The following TEX2 variants were observed in gnomAD, a reference collection of about 807,000 sequenced individuals.
The protein encoded by TEX2 is testis-expressed protein 2.
In TEX2, 53 loss-of-function variants were observed where a neutral mutation model predicts 106.9. That is an observed-to-expected ratio of 0.50 (90% CI 0.40 to 0.62). The LOEUF (loss-of-function observed/expected upper bound fraction) is 0.62. TEX2 is among the 20% of genes least tolerant of loss of function. TEX2 has a pLI of 0.00. For synonymous variants in TEX2, 523 were observed against 534.8 expected (o/e 0.98, Z 0.30); for missense variants, 1,207 against 1,379.0 (o/e 0.88, Z 1.98).
chr17:64,242,862 G>A (rs1227693337), intron 1 of TEX2, among the ~76,000 whole-genome samples: 1 of 151,810 alleles, frequency 6.6e-6, no homozygotes, highest in Non-Finnish European at 1.5e-5. Context: ...AAGGTGGGAG[G>A]ATCACTTGCG....
chr17:64,154,834 C>A lies in TEX2; in HGVS notation c.2930+8G>T, dbSNP rs75227073. ...GACTCAGAGGCACAGAAGCACTGAT[C>A]CACTCACCCTTCAGCCCCTGGGAGG... is the stretch of plus-strand genomic sequence containing the variant. On this transcript the variant is annotated splice_region_variant and intron_variant, in intron 9 of 11. Transcript: ENST00000584379. 6.3e-7 allele frequency: 1 copy of A among 1,588,540 alleles called. No individual in the cohort carries two copies. The highest frequency in any genetic ancestry group is 8.6e-7 in the Non-Finnish European group (1 of 1,167,794).
intron 1 of TEX2, among the ~76,000 whole-genome samples, chr17:64,252,619 TAACC>T (rs2034113258): frequency 6.6e-6 from 1 of 152,182 alleles, no homozygotes. Context: ...CTCAGCCATA[TAACC>T]AAGTTTTAAA....
chr17:64,247,268 C>CAA (rs35005734), intron 1 of TEX2, among the ~76,000 whole-genome samples: 5 of 74,838 alleles, frequency 6.7e-5, no homozygotes, highest in Admixed American at 1.6e-4. Context: ...GACTCTGTCT[C>CAA]AAAAAAAAAA....
At position 64,147,614 on chromosome 17, in the gene TEX2, G is replaced by C. The variant is rs949914364; in HGVS notation, c.*1355C>G. ...TTATAAAGACCAGTGACCAGGACAC[G>C]TGGACTCTGACAGGCAGATCGGCCT... is the stretch of plus-strand genomic sequence containing the variant. On this transcript the variant is annotated 3_prime_UTR_variant, in exon 12 of 12. Coordinates refer to ENST00000584379, the MANE Select transcript of TEX2 (RefSeq NM_001288732.2). 6.6e-6 allele frequency: 1 copy of C among 152,556 alleles called. No homozygotes were observed. The highest frequency in any genetic ancestry group is 1.5e-5 in the Non-Finnish European group (1 of 68,028). The allele number at this position is 152,556 out of a possible 1,614,324, so 9.5% of individuals were successfully genotyped here.
At position 64,193,627 on chromosome 17, in the gene TEX2, C is replaced by G. The variant is rs2032371391; in HGVS notation, c.2108G>C (p.Arg703Thr). ...TGREKEEWFR[R>T]FILASKLKSE... ...CTTTAGCTTAGATGCCAGAATAAAT[C>G]TCCTAAACCATTCCTCTTTTTCTCG... The change falls in exon 4 of 12, where the codon AGA (arginine) becomes ACA (threonine). Residue 703 changes from arginine to threonine, a missense_variant. Transcript: ENST00000584379. The G allele has an allele frequency of 6.6e-7, 1 of 1,515,746 alleles. No homozygotes were observed. 93.9% of individuals were successfully genotyped at this position (1,515,746 alleles called of 1,614,324 possible).
At chr17:64,198,971 C>A (rs2032568456) in intron 2 of TEX2, among the ~76,000 whole-genome samples, 1 of 152,154 alleles carries the variant, frequency 6.6e-6, no homozygotes, top group African/African-American at 2.4e-5. Context: ...TTACATGAAA[C>A]TGTTCTCCAA....
At chr17:64,262,050 T>TCAGG (rs2034296440) in intron 1 of TEX2, among the ~76,000 whole-genome samples, 1 of 152,348 alleles carries the variant, frequency 6.6e-6, no homozygotes. Context: ...AGCTTACACC[T>TCAGG]GGCTCCTGAA....
chr17:64,212,753 G>A lies in TEX2; in HGVS notation c.1465C>T (p.Leu489Phe). 6.2e-7 allele frequency: 1 copy of A among 1,614,170 alleles called. No individual in the cohort carries two copies. Among genetic ancestry groups the A allele is most frequent in the Non-Finnish European group, 8.5e-7 (1 of 1,180,044 alleles). The change falls in exon 2 of 12, where the codon CTC becomes TTC. Residue 489 changes from leucine to phenylalanine, a missense_variant. Around this residue, in one of 3 missense-constraint regions of TEX2, gnomAD observed 1,067 missense variants for 1,193.6 expected, o/e 0.89. Transcript: ENST00000584379. Reference sequence around the variant, plus strand: ...CCACTCACATAGTGGGGGAGGGGGAGGATGAGGTACACATAGACACACATT... The same window carrying A: ...CCACTCACATAGTGGGGGAGGGGGAAGATGAGGTACACATAGACACACATT... ...FIMCVYVYLI[L>F]PLPHYVSGLF... is the part of the protein sequence containing the mutation.
At position 64,213,606 on chromosome 17, in the gene TEX2, G is replaced by C. The variant is rs1555632102; in HGVS notation, c.612C>G (p.Ser204=). 6.2e-7 allele frequency: 1 copy of C among 1,614,088 alleles called. No homozygotes were observed. The highest frequency in any genetic ancestry group is 8.5e-7 in the Non-Finnish European group (1 of 1,179,994). Reference sequence around the variant, plus strand: ...AGTGCCTGTGCCTTGCGGGGTGTGGGGATTCTTTTGGCTCCACCTCGGTCG... The same window carrying C: ...AGTGCCTGTGCCTTGCGGGGTGTGGCGATTCTTTTGGCTCCACCTCGGTCG... ...SLSTEVEPKE[S]PHPARHRHLM... Residue 204 remains serine, a synonymous_variant, in exon 2 of 12, where the codon TCC becomes TCG. Coordinates refer to ENST00000584379, the MANE Select transcript of TEX2 (RefSeq NM_001288732.2). This position sits in a 1 kb window ranked among gnomAD's most constrained non-coding sequence, Gnocchi z 4.4.
At chr17:64,188,579 G>A in intron 4 of TEX2, 164 bp from the exon 5 acceptor site, 2 of 1,081,252 alleles carry the variant, frequency 1.8e-6, no homozygotes, top group Non-Finnish European at 2.6e-6. Context: ...CACTTTGAGA[G>A]GCCGAGGCGG....
intron 1 of TEX2, among the ~76,000 whole-genome samples, chr17:64,234,584 A>G (rs1178764842): frequency 1.3e-5 from 2 of 152,206 alleles, no homozygotes; most frequent in Non-Finnish European, 2.9e-5. Flanking sequence ...TGGAAAAAAC[A>G]CCAGCTCAGG....
At chr17:64,222,518 C>CAAAAAAAA (rs11296538) in intron 1 of TEX2, among the ~76,000 whole-genome samples, 10 of 99,152 alleles carry the variant, frequency 1.0e-4, no homozygotes, top group Non-Finnish European at 1.4e-4. Context: ...TTCCAACTCA[C>CAAAAAAAA]AAAAAAAAAA....
At chr17:64,249,302 T>C (rs1461226667) in intron 1 of TEX2, among the ~76,000 whole-genome samples, 1 of 152,104 alleles carries the variant, frequency 6.6e-6, no homozygotes, top group African/African-American at 2.4e-5. Flanking sequence ...TAGCAGTGTG[T>C]AGGGTGAGAG....
rs1019856483 is a variant in TEX2 at position 64,172,468 on chromosome 17, G to C, written c.2572-1269C>G. On this transcript the variant is annotated intron_variant, in intron 6 of 11. Transcript: ENST00000584379. ...GTTGGTCTGCGTGAACTGTGCCAACGGTCTCTTTTACCCTCCAGCTTCTGG... is the reference window on the plus strand; with the variant it reads ...GTTGGTCTGCGTGAACTGTGCCAACCGTCTCTTTTACCCTCCAGCTTCTGG... Among the ~76,000 whole-genome samples the C allele has an allele frequency of 4.6e-5, 7 of 152,192 alleles. No individual in the cohort carries two copies. In the South Asian group the frequency reaches 1.0e-3, roughly 23 times the overall value.
chr17:64,174,425 T>G (rs2031540372), intron 6 of TEX2, among the ~76,000 whole-genome samples: 1 of 152,048 alleles, frequency 6.6e-6, no homozygotes, highest in Non-Finnish European at 1.5e-5. Flanking sequence ...GGTTTCCTAT[T>G]TATTTGCCCA....
chr17:64,247,981 A>G (rs1273460122), intron 1 of TEX2, among the ~76,000 whole-genome samples: 2 of 152,172 alleles, frequency 1.3e-5, no homozygotes, highest in Non-Finnish European at 2.9e-5. Flanking sequence ...TGGTGAGTGC[A>G]TGGTCCTAGG....
Position 64,214,245 on chromosome 17 carries a change from G to GT in TEX2, c.-25-4dup. ...CCGGCTTCACAAGGGCTCAGGCTCT[G>GT]TGAAAACAGTGAGAAAACCAGAAGT... On this transcript the variant is annotated splice_region_variant and splice_polypyrimidine_tract_variant and intron_variant, in intron 1 of 11. Transcript: ENST00000584379. 6.3e-7 allele frequency: 1 copy of GT among 1,583,510 alleles called. No individual in the cohort carries two copies.
chr17:64,180,548 A>G (rs910679802), intron 5 of TEX2, among the ~76,000 whole-genome samples: 5 of 152,216 alleles, frequency 3.3e-5, no homozygotes, highest in Non-Finnish European at 7.4e-5. Context: ...ACAGCCTGCT[A>G]GGAAGGCCCA....
intron 7 of TEX2, among the ~76,000 whole-genome samples, chr17:64,164,083 C>G (rs1347806781): frequency 1.3e-5 from 2 of 152,102 alleles, no homozygotes. Context: ...TATTCCACAT[C>G]ATGTTGAGAG....
Sources: gnomAD v4.1 joint callset for allele counts (sites outside exome capture counted in the v4.1 genomes callset) on GRCh38, gnomAD v4.1.1 for gene constraint, gnomAD v4.1.1 regional missense constraint, Gnocchi (gnomAD v3.1) non-coding constraint, MANE v1.5 for transcripts, NCBI Gene and HGNC (gene_info 2026-07-23, HGNC 2026-07-21) for gene names.